The following NME9 variants were observed in gnomAD, a reference collection of about 807,000 sequenced individuals.
NME9 encodes the protein NME/NM23 family member 9.
In NME9, 48 loss-of-function variants were observed where a neutral mutation model predicts 44.4. The ratio of observed to expected loss-of-function variants is 1.08; its 90% CI spans 0.86 to 1.37. NME9 has a LOEUF of 1.37. Among genes scored for constraint, NME9 ranks in the 40% most tolerant of loss-of-function variants. The pLI is 0.00. For synonymous variants in NME9, 139 were observed against 147.1 expected (o/e 0.94, Z 0.40); for missense variants, 325 against 405.2 (o/e 0.80, Z 1.70).
intron 8 of NME9, chr3:138,272,832 A>G (rs1303394426): frequency 1.4e-6 from 1 of 725,328 alleles, no homozygotes; most frequent in Non-Finnish European, 2.0e-6. Context: ...TTATTGTGCC[A>G]CTGCACACCA....
intron 8 of NME9, among the ~76,000 whole-genome samples, chr3:138,283,972 G>A (rs1172691944): frequency 6.6e-6 from 1 of 152,226 alleles, no homozygotes; most frequent in Non-Finnish European, 1.5e-5. Context: ...TTAGGAGCAA[G>A]CAGCAGGTGG....
intron 8 of NME9, among the ~76,000 whole-genome samples, chr3:138,264,378 T>A (rs954137676): frequency 4.6e-5 from 7 of 151,470 alleles, no homozygotes; most frequent in Non-Finnish European, 1.0e-4. Context: ...AAATGCTTCA[T>A]GTGTGAGGGG....
At chr3:138,268,425 A>G (rs1235971691) in intron 8 of NME9, among the ~76,000 whole-genome samples, 4 of 152,286 alleles carry the variant, frequency 2.6e-5, no homozygotes, top group African/African-American at 4.8e-5. Flanking sequence ...ATGATAATCC[A>G]GTCACAGCTG....
rs756045145 is a variant in NME9 at position 138,306,052 on chromosome 3, G to C, written c.588C>G (p.Thr196=). The C allele has an allele frequency of 4.6e-5, 74 of 1,613,476 alleles. 1 individual carries two copies. The highest frequency in any genetic ancestry group is 4.3e-4 in the Admixed American group (26 of 59,984). The change falls in exon 8 of 11, where the codon ACC becomes ACG. Residue 196 remains threonine, a synonymous_variant. Coordinates refer to ENST00000333911, the MANE Select transcript of NME9 (RefSeq NM_001349018.2). ...GFEILTNEER[T]MTEAEVRLFY... ...AAAGTCGCACTTCTGCCTCTGTCAT[G>C]GTTCTCTCTTCATTTGTTAGAATTT... is the stretch of plus-strand genomic sequence containing the variant.
chr3:138,329,164 T>G, intron 1 of NME9, 139 bp downstream of exon 1: 1 of 749,064 alleles, frequency 1.3e-6, no homozygotes, highest in Non-Finnish European at 2.1e-6. Context: ...GACGGAAGGG[T>G]ACATCACTCA....
Position 138,329,833 on chromosome 3 carries a change from T to C in NME9, c.-498A>G. On this transcript the variant is annotated 5_prime_UTR_variant, in exon 1 of 11. Transcript: ENST00000333911. ...GTCACCAACCGAGTCTGCCGCGACC[T>C]AGCCGCGGTCGTCATGGCAACCTGG... 6 of 985,998 alleles carry C rather than the reference T, an allele frequency of 6.1e-6. No individual in the cohort carries two copies. Among genetic ancestry groups the C allele is most frequent in the Non-Finnish European group, 7.2e-6 (6 of 830,294 alleles). The allele number at this position is 985,998 out of a possible 1,614,324, so 61.1% of individuals were successfully genotyped here.
intron 8 of NME9, among the ~76,000 whole-genome samples, chr3:138,264,671 GC>G (rs1217562233): frequency 1.1e-4 from 17 of 151,752 alleles, no homozygotes; most frequent in Admixed American, 6.6e-4. Context: ...GCCCGCCTCG[GC>G]CCTCCAAAGT....
intron 2 of NME9, among the ~76,000 whole-genome samples, chr3:138,321,218 A>G (rs2053443488): frequency 6.6e-6 from 1 of 152,254 alleles, no homozygotes; most frequent in Non-Finnish European, 1.5e-5. Flanking sequence ...TTATGCTGCT[A>G]TAATGGGACA....
intron 5 of NME9, 42 bp from the exon 6 acceptor site, chr3:138,314,449 A>T: frequency 8.2e-7 from 1 of 1,226,438 alleles, no homozygotes; most frequent in Non-Finnish European, 1.2e-6. Context: ...TTAGCTAATT[A>T]ACATTACCAC....
chr3:138,317,109 G>T (rs1454991395), intron 4 of NME9, among the ~76,000 whole-genome samples: 1 of 152,120 alleles, frequency 6.6e-6, no homozygotes, highest in African/African-American at 2.4e-5. Flanking sequence ...AAGCCATTGT[G>T]GTAATGATCC....
At chr3:138,288,858 G>A (rs927900551) in intron 8 of NME9, among the ~76,000 whole-genome samples, 3 of 151,692 alleles carry the variant, frequency 2.0e-5, no homozygotes, top group African/African-American at 7.3e-5. Context: ...TCCTAGTCTC[G>A]AACACCTGAC....
In NME9 at chr3:138,274,153, A is replaced by G. The variant is rs542081669; in HGVS notation, c.746-11567T>C. On this transcript the variant is annotated intron_variant, in intron 8 of 8. Transcript: ENST00000317876. ...TTTTTCTTTAATATATTTGGGTTTG[A>G]GGACCCCCAATGATTGTGCTTTCAT... Among the ~76,000 whole-genome samples, 90 of 151,824 alleles carry G rather than the reference A, an allele frequency of 5.9e-4. No homozygotes were observed. The South Asian group carries it at 0.016, about 26-fold the overall frequency.
chr3:138,315,838 G>A (rs1486796164), intron 4 of NME9, among the ~76,000 whole-genome samples, 195 bp from the exon 5 acceptor site: 1 of 151,896 alleles, frequency 6.6e-6, no homozygotes. Flanking sequence ...TTGTTTGTTT[G>A]TTTGTTTGTT....
At chr3:138,287,283 CCTT>C (rs780648549) in intron 8 of NME9, among the ~76,000 whole-genome samples, 1 of 152,178 alleles carries the variant, frequency 6.6e-6, no homozygotes, top group South Asian at 2.1e-4. Flanking sequence ...ACAGACAGCT[CCTT>C]CTTACTTCAG....
chr3:138,315,625 C>T lies in NME9; in HGVS notation c.286G>A (p.Val96Met), dbSNP rs2053020800. The T allele has an allele frequency of 1.3e-6, 2 of 1,536,354 alleles. No individual in the cohort carries two copies. ...LFYAGGELVA[V>M]VRGANAPLLQ... Reference sequence around the variant, plus strand: ...AGTGGGGCATTTGCTCCTCTAACCACAGCCACCAGTTCTCCTCCCTAGAAT... The same window carrying T: ...AGTGGGGCATTTGCTCCTCTAACCATAGCCACCAGTTCTCCTCCCTAGAAT... The change falls in exon 5 of 11, where the codon GTG (valine) becomes ATG (methionine). Residue 96 changes from valine to methionine, a missense_variant. Val to Met is a conservative substitution (Grantham distance 21). Transcript: ENST00000333911.
chr3:138,263,495 T>G, intron 8 of NME9: 1 of 518,756 alleles, frequency 1.9e-6, no homozygotes, highest in Non-Finnish European at 3.5e-6. Context: ...GTTAAATGTC[T>G]TTAAAAATAA....
intron 10 of NME9, among the ~76,000 whole-genome samples, chr3:138,303,018 T>A (rs1224642971): frequency 1.3e-5 from 2 of 152,196 alleles, no homozygotes; most frequent in Non-Finnish European, 2.9e-5. Flanking sequence ...GAAGGGAAGG[T>A]CCTAAACAAC....
chr3:138,271,798 C>CTTTTTTTTTT (rs776320900), intron 8 of NME9, among the ~76,000 whole-genome samples: 137 of 136,124 alleles, frequency 1.0e-3, no homozygotes, highest in African/African-American at 3.7e-3. Flanking sequence ...TTTTTTCTTT[C>CTTTTTTTTTT]TTTTTTTTTT....
chr3:138,320,970 A>G (rs1160289798), intron 2 of NME9, among the ~76,000 whole-genome samples: 1 of 152,210 alleles, frequency 6.6e-6, no homozygotes, highest in African/African-American at 2.4e-5. Context: ...AATTGTAAGA[A>G]ATAAATTTCT....
Sources: gnomAD v4.1 joint callset for allele counts (sites outside exome capture counted in the v4.1 genomes callset) on GRCh38, gnomAD v4.1.1 for gene constraint, MANE v1.5 for transcripts, NCBI Gene and HGNC (gene_info 2026-07-23, HGNC 2026-07-21) for gene names.